Variants in BTK observed in about 807,000 individuals in gnomAD.
The protein encoded by BTK is Bruton tyrosine kinase.
A neutral mutation model predicts 57.4 loss-of-function variants in BTK; 5 were observed. The ratio of observed to expected loss-of-function variants is 0.09; its 90% CI spans 0.05 to 0.18. The LOEUF (loss-of-function observed/expected upper bound fraction) is 0.18, where lower values mean the gene tolerates loss of function less well. Ranked by LOEUF, BTK falls within the 10% of genes least tolerant of loss-of-function variation. BTK has a pLI of 1.00. For synonymous variants in BTK, 154 were observed against 174.3 expected (o/e 0.88, Z 0.92); for missense variants, 194 against 501.2 (o/e 0.39, Z 5.85).
At chrX:101,352,095 G>A (rs781818689) in intron 18 of BTK, among the ~76,000 whole-genome samples, 206 of 107,491 alleles carry the variant, frequency 1.9e-3, no homozygotes, top group Middle Eastern at 4.7e-3. Flanking sequence ...CCCAGGAGGC[G>A]GGGCTTGCGG....
In BTK at chrX:101,362,250, A is replaced by C. The variant is rs782301740; in HGVS notation, c.521-10T>G. The C allele has an allele frequency of 8.3e-7, 1 of 1,209,439 alleles. No homozygotes were observed. Among genetic ancestry groups the C allele is most frequent in the Admixed American group, 2.2e-5 (1 of 45,862 alleles). ...CTCCCAGGTTTTAAGCCTGCAAAAC[A>C]AGAAGCCAGTGATGATATGGAATGC... is the stretch of plus-strand genomic sequence containing the variant. On this transcript the variant is annotated splice_polypyrimidine_tract_variant and intron_variant, in intron 6 of 18. Transcript: ENST00000308731.
intron 1 of BTK, among the ~76,000 whole-genome samples, chrX:101,383,282 A>G (rs1437630457): frequency 1.8e-5 from 2 of 111,928 alleles, no homozygotes; most frequent in African/African-American, 6.5e-5. Flanking sequence ...TTCCAAAAAA[A>G]GATCTAATGT....
intron 10 of BTK, among the ~76,000 whole-genome samples, chrX:101,358,936 G>A (rs1310217415): frequency 9.0e-6 from 1 of 111,474 alleles, no homozygotes; most frequent in East Asian, 2.8e-4. Flanking sequence ...TCAGGAGTTC[G>A]AGACCAGCCT....
At chrX:101,370,291 T>C (rs1926984468) in intron 4 of BTK, among the ~76,000 whole-genome samples, 1 of 112,052 alleles carries the variant, frequency 8.9e-6, no homozygotes, top group Non-Finnish European at 1.9e-5. Context: ...TAAAAGCTCT[T>C]AGAATTTTTC....
At chrX:101,354,231 C>T (rs1251214125) in intron 16 of BTK, 12 of 423,215 alleles carry the variant, frequency 2.8e-5, no homozygotes, top group Non-Finnish European at 4.9e-5. Context: ...CTAGTAGGTA[C>T]TCCCTTCCTC....
At chrX:101,364,090 A>G (rs1237796485) in intron 5 of BTK, among the ~76,000 whole-genome samples, 1 of 107,701 alleles carries the variant, frequency 9.3e-6, no homozygotes, top group Non-Finnish European at 1.9e-5. Flanking sequence ...GACAAAAACA[A>G]AACAAAACCT....
rs782805638 is a variant in BTK at position 101,379,026 on chromosome X, T to G, written c.-30-3712A>C. 1.2e-4 allele frequency among the ~76,000 whole-genome samples: 13 copies of G among 108,385 alleles called. No homozygotes were observed. The South Asian group carries it at 5.3e-3, about 44-fold the overall frequency. 94.1% of individuals were successfully genotyped at this position (108,385 alleles called of 115,157 possible). A position where few individuals can be genotyped will look rare whatever the true frequency, so the allele number is the denominator to read the frequency against. On this transcript the variant is annotated intron_variant, in intron 1 of 18. Transcript: ENST00000308731. ...CCGTCTCTATTAAAATACAAAAAAT[T>G]AGCCGGGCGTGGTGACAGGCGCCTG... is the stretch of plus-strand genomic sequence containing the variant.
At chrX:101,357,031 G>C (rs180810039) in intron 13 of BTK, 76 bp from the exon 14 acceptor site, 65 of 1,096,812 alleles carry the variant, frequency 5.9e-5, no homozygotes, top group Non-Finnish European at 7.8e-5. Context: ...ATCCCTACTG[G>C]GGTAGAAATA....
At chrX:101,356,418 C>A (rs1332901046) in intron 14 of BTK, 150 bp from the exon 15 acceptor site, 1 of 502,485 alleles carries the variant, frequency 2.0e-6, no homozygotes, top group African/African-American at 2.4e-5. Context: ...CCCTAAATCT[C>A]AAAAGTGCTT....
At chrX:101,354,254 C>T in intron 16 of BTK, 1 of 416,444 alleles carries the variant, frequency 2.4e-6, no homozygotes, top group Non-Finnish European at 4.2e-6. Flanking sequence ...CTCTATCCAC[C>T]TTTCCTTTCT....
chrX:101,359,513 G>A (rs550765464), intron 9 of BTK, among the ~76,000 whole-genome samples, 166 bp from the exon 10 acceptor site: 1 of 111,697 alleles, frequency 9.0e-6, no homozygotes, highest in South Asian at 3.7e-4. Flanking sequence ...CCCAAACCCA[G>A]GTTGGCATTG....
chrX:101,367,055 C>T (rs1220640906), intron 5 of BTK, among the ~76,000 whole-genome samples: 2 of 110,119 alleles, frequency 1.8e-5, no homozygotes, highest in African/African-American at 3.3e-5. Flanking sequence ...ACCAGCCTGG[C>T]CAACATGATG....
chrX:101,362,456 C>T, intron 6 of BTK, 105 bp downstream of exon 6: 1 of 1,151,970 alleles, frequency 8.7e-7, no homozygotes, highest in Non-Finnish European at 1.2e-6. Context: ...TTGTTTAGCA[C>T]CCAAAGTGTA....
At chrX:101,387,599 G>A (rs1043566182), upstream of BTK, among the ~76,000 whole-genome samples, 30 of 109,974 alleles carry the variant, frequency 2.7e-4, no homozygotes, top group African/African-American at 9.6e-4. Flanking sequence ...CGATACTCCT[G>A]CCTTGGCCTC....
upstream of BTK, among the ~76,000 whole-genome samples, chrX:101,388,434 A>G (rs925177952): frequency 8.9e-6 from 1 of 112,189 alleles, no homozygotes. Flanking sequence ...GAGATTCCCA[A>G]TGCAATATAA....
chrX:101,368,785 G>T (rs78172629), intron 5 of BTK, among the ~76,000 whole-genome samples: 159 of 112,176 alleles, frequency 1.4e-3, no homozygotes, highest in African/African-American at 4.9e-3. Context: ...CTTCATCTTC[G>T]TTCCTCCTGT....
At chrX:101,371,763 A>G in intron 3 of BTK, 62 bp from the exon 4 acceptor site, 2 of 949,198 alleles carry the variant, frequency 2.1e-6, no homozygotes, top group Non-Finnish European at 3.0e-6. Flanking sequence ...GAATTTCCTT[A>G]GGTACTAGAA....
intron 7 of BTK, among the ~76,000 whole-genome samples, chrX:101,361,277 A>G (rs1555978609): frequency 9.0e-6 from 1 of 110,945 alleles, no homozygotes; most frequent in Non-Finnish European, 1.9e-5. Context: ...TCACAGACCA[A>G]TTACATCAAA....
intron 5 of BTK, among the ~76,000 whole-genome samples, chrX:101,364,145 G>C (rs958854215): frequency 9.2e-6 from 1 of 108,552 alleles, no homozygotes; most frequent in Admixed American, 1.0e-4. Context: ...GTGGTGGCTC[G>C]CACCTGTAAT....
Sources: gnomAD v4.1 joint callset for allele counts (sites outside exome capture counted in the v4.1 genomes callset) on GRCh38, gnomAD v4.1.1 for gene constraint, MANE v1.5 for transcripts, NCBI Gene and HGNC (gene_info 2026-07-23, HGNC 2026-07-21) for gene names.